ENTREP1: variants seen among roughly 807,000 people sequenced by gnomAD.
ENTREP1 encodes endosomal transmembrane epsin interactor 1, also known as Friedreich ataxia region gene X123.
At chr9:69,325,140 A>AGCG in the ENTREP1 span, 24 of 1,030,456 alleles carry the variant, frequency 2.3e-5, no homozygotes, top group Non-Finnish European at 2.8e-5. Context: ...GAGCCAGGGC[A>AGCG]GCGGCAGCGG....
At chr9:69,391,886 T>TA in the ENTREP1 span, 4 of 1,318,972 alleles carry the variant, frequency 3.0e-6, no homozygotes, top group Admixed American at 9.5e-5. Flanking sequence ...GTGGTCCACC[T>TA]CAAAAAAAAG....
the ENTREP1 span, among the ~76,000 whole-genome samples, chr9:69,361,083 G>A: frequency 2.0e-4 from 26 of 129,906 alleles, no homozygotes; most frequent in South Asian, 5.7e-3. Flanking sequence ...TGGGTCCAAA[G>A]CTGTGGTCAG....
At chr9:69,388,336 C>T in the ENTREP1 span, 1 of 1,614,192 alleles carries the variant, frequency 6.2e-7, no homozygotes, top group Non-Finnish European at 8.5e-7. Context: ...TGGAGCAGTC[C>T]TCTTGTACCA....
At chr9:69,324,955 C>T in the ENTREP1 span, 1 of 985,136 alleles carries the variant, frequency 1.0e-6, no homozygotes, top group Non-Finnish European at 1.2e-6. Flanking sequence ...ATATTTGGGG[C>T]AGGGCACCCT....
chr9:69,382,967 T>C, the ENTREP1 span: 1 of 964,446 alleles, frequency 1.0e-6, no homozygotes, highest in East Asian at 1.1e-4. Flanking sequence ...CTTAGGTTCA[T>C]CATTATCTAG....
the ENTREP1 span, among the ~76,000 whole-genome samples, chr9:69,357,738 A>G: frequency 1.3e-5 from 2 of 152,074 alleles, no homozygotes; most frequent in African/African-American, 4.8e-5. Context: ...GTGATTTATG[A>G]TGTTTTGTTG....
chr9:69,339,164 C>T, the ENTREP1 span, among the ~76,000 whole-genome samples: 6 of 151,906 alleles, frequency 3.9e-5, no homozygotes, highest in Admixed American at 1.3e-4. Flanking sequence ...GGACTACAGG[C>T]GTGTGCCACC....
At chr9:69,325,282 A>G in the ENTREP1 span, 1 of 40,572 alleles carries the variant, frequency 2.5e-5, no homozygotes, top group Non-Finnish European at 2.7e-5. Flanking sequence ...AGCCGGCCGC[A>G]CCCGGCCGCA....
the ENTREP1 span, among the ~76,000 whole-genome samples, chr9:69,340,666 CGT>C: frequency 8.2e-4 from 89 of 108,736 alleles, no homozygotes; most frequent in Non-Finnish European, 1.2e-3. Context: ...TGTGTGTGTG[CGT>C]GTGTGTGTGC....
the ENTREP1 span, among the ~76,000 whole-genome samples, chr9:69,352,836 C>G: frequency 2.6e-5 from 4 of 152,064 alleles, no homozygotes; most frequent in African/African-American, 9.7e-5. Flanking sequence ...CCCCAATATG[C>G]CAAAAAGAAG....
At chr9:69,375,594 C>G in the ENTREP1 span, 1 of 648,288 alleles carries the variant, frequency 1.5e-6, no homozygotes, top group Non-Finnish European at 2.6e-6. Flanking sequence ...ATGCTATACC[C>G]TAGCCCATCC....
chr9:69,383,502 G>A, the ENTREP1 span: 1 of 1,519,914 alleles, frequency 6.6e-7, no homozygotes, highest in Middle Eastern at 1.9e-4. Context: ...TCCTGGCCAA[G>A]GAGACCATGG....
At chr9:69,335,834 ATGCGCCTGTAGTCCTGACG>A in the ENTREP1 span, among the ~76,000 whole-genome samples, 1 of 147,096 alleles carries the variant, frequency 6.8e-6, no homozygotes, top group Non-Finnish European at 1.5e-5. Context: ...GTGTGGTGAC[ATGCGCCTGTAGTCCTGACG>A]TGCGCCTGTA....
At chr9:69,331,487 A>G in the ENTREP1 span, among the ~76,000 whole-genome samples, 1 of 152,226 alleles carries the variant, frequency 6.6e-6, no homozygotes, top group Non-Finnish European at 1.5e-5. Flanking sequence ...AAGCTACAAG[A>G]AATAGGTTAT....
the ENTREP1 span, among the ~76,000 whole-genome samples, chr9:69,378,921 A>G: frequency 2.0e-5 from 3 of 152,188 alleles, no homozygotes; most frequent in East Asian, 1.9e-4. Context: ...GATCACGGTA[A>G]TATTCAAAAG....
At chr9:69,362,447 A>G in the ENTREP1 span, among the ~76,000 whole-genome samples, 2 of 152,204 alleles carry the variant, frequency 1.3e-5, no homozygotes, top group Non-Finnish European at 2.9e-5. Flanking sequence ...CAGAGCTGAG[A>G]TGAATTCAAA....
At chr9:69,341,118 G>A in the ENTREP1 span, among the ~76,000 whole-genome samples, 3 of 152,306 alleles carry the variant, frequency 2.0e-5, no homozygotes, top group East Asian at 1.9e-4. Flanking sequence ...AAGTGCTACT[G>A]TGAAAACCCA....
the ENTREP1 span, among the ~76,000 whole-genome samples, chr9:69,364,639 T>C: frequency 6.6e-6 from 1 of 152,140 alleles, no homozygotes; most frequent in South Asian, 2.1e-4. Context: ...CCCTGAGTTC[T>C]TTATGACTCC....
the ENTREP1 span, among the ~76,000 whole-genome samples, chr9:69,340,742 T>C: frequency 1.5e-5 from 2 of 136,796 alleles, no homozygotes; most frequent in East Asian, 2.1e-4. Context: ...TGTATGTGTG[T>C]GTGTTTGTGT....
Sources: gnomAD v4.1 joint callset for allele counts (sites outside exome capture counted in the v4.1 genomes callset) on GRCh38, gnomAD v4.1.1 for gene constraint, MANE v1.5 for transcripts, NCBI Gene and HGNC (gene_info 2026-07-23, HGNC 2026-07-21) for gene names.